GNAO1: variants seen among roughly 807,000 people sequenced by gnomAD.
The protein encoded by GNAO1 is G protein subunit alpha o1.
For synonymous variants in GNAO1, 164 were observed against 180.7 expected (o/e 0.91, Z 0.74); for missense variants, 166 against 478.7 (o/e 0.35, Z 6.10).
chr16:56,315,670 C>T (rs1320214068), intron 3 of GNAO1, among the ~76,000 whole-genome samples: 1 of 152,120 alleles, frequency 6.6e-6, no homozygotes, highest in Non-Finnish European at 1.5e-5. Context: ...GTCCCCACCC[C>T]TTTCCTGGTG....
chr16:56,217,593 C>T (rs1323512209), intron 2 of GNAO1, among the ~76,000 whole-genome samples: 4 of 151,944 alleles, frequency 2.6e-5, no homozygotes, highest in African/African-American at 9.7e-5. Flanking sequence ...TTTGTGAGGC[C>T]CTGGGTAAGG....
chr16:56,204,517 G>A (rs2143310315), intron 2 of GNAO1, among the ~76,000 whole-genome samples: 1 of 152,212 alleles, frequency 6.6e-6, no homozygotes, highest in South Asian at 2.1e-4. Context: ...GCTCCAACTG[G>A]CAAAAGGAGC....
rs549144622 is a variant in GNAO1 at position 56,204,048 on chromosome 16, G to T, written c.161+11432G>T. ...CTGACCTAAGGAATTGGTAGGAAAG[G>T]CAATGAGAAGTTGGATGGGGGAGAG... On this transcript the variant is annotated intron_variant, in intron 2 of 8. Transcript: ENST00000262493. 3.9e-5 allele frequency among the ~76,000 whole-genome samples: 6 copies of T among 152,300 alleles called. No homozygotes were observed. The East Asian group carries it at 5.8e-4, about 15-fold the overall frequency.
At chr16:56,194,252 G>C (rs1490727217) in intron 2 of GNAO1, 3 of 456,510 alleles carry the variant, frequency 6.6e-6, no homozygotes, top group African/African-American at 6.0e-5. Flanking sequence ...TCTTGAGCTT[G>C]TGCAACCCAA....
chr16:56,249,796 AG>A (rs1282110874), intron 2 of GNAO1, among the ~76,000 whole-genome samples: 6 of 151,808 alleles, frequency 4.0e-5, no homozygotes, highest in African/African-American at 1.4e-4. Flanking sequence ...ACCTAAATCA[AG>A]GGAAATGACA....
intron 6 of GNAO1, chr16:56,340,631 C>T: frequency 1.6e-6 from 1 of 615,268 alleles, no homozygotes; most frequent in South Asian, 2.0e-5. Context: ...CCGCCCCGCC[C>T]TGCCTGCGTG....
intron 3 of GNAO1, among the ~76,000 whole-genome samples, chr16:56,308,656 A>G (rs893178812): frequency 6.6e-6 from 1 of 152,164 alleles, no homozygotes; most frequent in South Asian, 2.1e-4. Flanking sequence ...CCTTGGGAAC[A>G]TTGGCACCTA....
intron 2 of GNAO1, among the ~76,000 whole-genome samples, chr16:56,266,031 T>C (rs532082749): frequency 6.6e-6 from 1 of 152,316 alleles, no homozygotes; most frequent in South Asian, 2.1e-4. Flanking sequence ...CCACTTCTTA[T>C]CACTGAGGCC....
At chr16:56,348,350 C>T (rs745424144) in intron 6 of GNAO1, among the ~76,000 whole-genome samples, 3 of 152,172 alleles carry the variant, frequency 2.0e-5, no homozygotes, top group Non-Finnish European at 2.9e-5. Flanking sequence ...AGGATCAGGG[C>T]GACTGGGCGC....
intron 2 of GNAO1, among the ~76,000 whole-genome samples, chr16:56,199,687 T>A (rs996232841): frequency 1.3e-5 from 2 of 152,244 alleles, no homozygotes; most frequent in Non-Finnish European, 2.9e-5. Flanking sequence ...ATAGAATTTC[T>A]CAGGGCTCTT....
intron 2 of GNAO1, among the ~76,000 whole-genome samples, chr16:56,197,641 A>G (rs1441730180): frequency 6.6e-6 from 1 of 152,234 alleles, no homozygotes; most frequent in Non-Finnish European, 1.5e-5. Context: ...GAGAACCAAC[A>G]TGGCTGGAAA....
chr16:56,283,229 A>G (rs539563601), intron 3 of GNAO1, among the ~76,000 whole-genome samples: 32 of 152,284 alleles, frequency 2.1e-4, no homozygotes, highest in African/African-American at 7.7e-4. Context: ...AAGAGACTCA[A>G]GATTTTTCTG....
intron 3 of GNAO1, among the ~76,000 whole-genome samples, chr16:56,321,690 A>T (rs1243750625): frequency 6.6e-6 from 1 of 152,128 alleles, no homozygotes; most frequent in East Asian, 1.9e-4. Context: ...AAGAGAAAAA[A>T]GCCACAAAGG....
chr16:56,357,065 A>G lies in GNAO1; in HGVS notation c.*991A>G, dbSNP rs1169831779. 1 of 152,300 alleles carries G rather than the reference A, an allele frequency of 6.6e-6. No individual in the cohort carries two copies. The highest frequency in any genetic ancestry group is 1.5e-5 in the Non-Finnish European group (1 of 67,976). 9.4% of individuals were successfully genotyped at this position (152,300 alleles called of 1,614,324 possible). Reference sequence around the variant, plus strand: ...TAAATACCACAAGATGGAAAAAAAAAACAAAAAAATTTAAAAAGATGGAAT... The same window carrying G: ...TAAATACCACAAGATGGAAAAAAAAGACAAAAAAATTTAAAAAGATGGAAT... On this transcript the variant is annotated 3_prime_UTR_variant, in exon 9 of 9. Transcript: ENST00000262493.
Position 56,293,253 on chromosome 16 carries a change from G to A in GNAO1, c.303+17181G>A, listed in dbSNP as rs2037249851. ...AGGTGTGAATTTTAGCCAAACTGCT[G>A]CCAACTGGAAGCAGCACCTCTGCTG... On this transcript the variant is annotated intron_variant, in intron 3 of 8. Coordinates refer to ENST00000262493, the MANE Select transcript of GNAO1 (RefSeq NM_020988.3). 2.0e-5 allele frequency among the ~76,000 whole-genome samples: 3 copies of A among 152,216 alleles called. No homozygotes were observed. The South Asian group carries it at 6.2e-4, about 32-fold the overall frequency.
chr16:56,280,794 C>A (rs770118796), intron 3 of GNAO1, among the ~76,000 whole-genome samples: 4 of 152,110 alleles, frequency 2.6e-5, no homozygotes, highest in Non-Finnish European at 5.9e-5. Context: ...GCCAGGAGGC[C>A]GGGTGGGGCC....
intron 2 of GNAO1, among the ~76,000 whole-genome samples, chr16:56,229,785 A>G (rs543267039): frequency 1.0e-4 from 13 of 126,076 alleles, no homozygotes; most frequent in Non-Finnish European, 1.7e-4. Flanking sequence ...CTAATTCCAA[A>G]GTACCTAAAA....
chr16:56,350,779 T>C (rs1596881532), intron 6 of GNAO1, among the ~76,000 whole-genome samples: 1 of 150,478 alleles, frequency 6.6e-6, no homozygotes, highest in Admixed American at 6.6e-5. Flanking sequence ...GGGCCCGGAG[T>C]CTCTCACCAC....
At chr16:56,350,147 C>T (rs1157920281) in intron 6 of GNAO1, among the ~76,000 whole-genome samples, 3 of 152,276 alleles carry the variant, frequency 2.0e-5, no homozygotes, top group Non-Finnish European at 4.4e-5. Context: ...AATTCCTCAG[C>T]ACCCACGGTG....
Sources: allele counts gnomAD v4.1 joint callset (sites outside exome capture counted in the v4.1 genomes callset), GRCh38; gene constraint gnomAD v4.1.1; transcripts MANE v1.5; gene names NCBI Gene and HGNC (gene_info 2026-07-23, HGNC 2026-07-21).